Variants in EPGN observed in about 807,000 individuals in gnomAD.
EPGN encodes epithelial mitogen.
A neutral mutation model predicts 20.7 loss-of-function variants in EPGN; 21 were observed. That is an observed-to-expected ratio of 1.01 (90% CI 0.72 to 1.46). The LOEUF (loss-of-function observed/expected upper bound fraction) is 1.46, where lower values mean the gene tolerates loss of function less well. EPGN is among the 40% of genes most tolerant of loss of function. The pLI is 0.00. For synonymous variants in EPGN, 69 were observed against 63.8 expected (o/e 1.08, Z -0.39); for missense variants, 199 against 180.7 (o/e 1.10, Z -0.58).
chr4:74,313,466 AG>A, intron 4 of EPGN: 4 of 1,255,422 alleles, frequency 3.2e-6, no homozygotes. Context: ...GCCCCAAGAA[AG>A]TAGGGACTAA....
In EPGN at chr4:74,315,630, A is replaced by G. The variant is rs1056881713; in HGVS notation, c.*993A>G. ...GATTTGCACATAGAGGGAGAGAAAA[A>G]AAATGGAGTAACAGTCAAAATAATA... On this transcript the variant is annotated 3_prime_UTR_variant, in exon 5 of 5. Transcript: ENST00000413830. Among the ~76,000 whole-genome samples the G allele has an allele frequency of 3.0e-4, 46 of 152,134 alleles. No homozygotes were observed. The highest frequency in any genetic ancestry group is 1.1e-3 in the African/African-American group (44 of 41,434).
In EPGN at chr4:74,308,476, A is replaced by G; in HGVS notation, c.-58A>G. 6 of 1,444,082 alleles carry G rather than the reference A, an allele frequency of 4.2e-6. No homozygotes were observed. The South Asian group carries it at 7.6e-5, about 18-fold the overall frequency. The allele number at this position is 1,444,082 out of a possible 1,614,324, so 89.5% of individuals were successfully genotyped here. A position where few individuals can be genotyped will look rare whatever the true frequency, so the allele number is the denominator to read the frequency against. The stretch of plus-strand genomic sequence containing the variant: ...ACAAAGACTCAGAGAGCTCAATAAA[A>G]ACCTTCCACCCGTCAGTCTAGAAGG... On this transcript the variant is annotated 5_prime_UTR_variant, in exon 1 of 5. Coordinates refer to ENST00000413830, the MANE Select transcript of EPGN (RefSeq NM_001270989.2).
At chr4:74,311,493 C>T (rs1404445032) in intron 2 of EPGN, among the ~76,000 whole-genome samples, 1 of 152,038 alleles carries the variant, frequency 6.6e-6, no homozygotes, top group Non-Finnish European at 1.5e-5. Flanking sequence ...TTCTCTTAAT[C>T]TTAGCAAGGC....
intron 2 of EPGN, among the ~76,000 whole-genome samples, chr4:74,310,403 A>C (rs1300941795): frequency 8.0e-6 from 1 of 125,292 alleles, no homozygotes; most frequent in African/African-American, 3.1e-5. Context: ...TGGAGGCTGC[A>C]GTGAGCTGAG....
At chr4:74,311,972 T>C (rs1270481352) in intron 2 of EPGN, among the ~76,000 whole-genome samples, 1 of 152,114 alleles carries the variant, frequency 6.6e-6, no homozygotes, top group African/African-American at 2.4e-5. Flanking sequence ...TCAATCCACC[T>C]CCATCCCCTA....
Position 74,309,129 on chromosome 4 carries a change from T to C in EPGN, c.80T>C (p.Val27Ala), listed in dbSNP as rs777068974. Residue 27 changes from valine to alanine, a missense_variant, in exon 2 of 5, where the codon GTA (valine) becomes GCA (alanine). Val to Ala is a moderately conservative substitution (Grantham distance 64). Coordinates refer to ENST00000413830, the MANE Select transcript of EPGN (RefSeq NM_001270989.2). ...CTGACCGAAGAGGCAGCCGTGACTG[T>C]AACACCTCCAATCACAGCCCAGCAA... ...TALTEEAAVT[V>A]TPPITAQQGN... 1 of 1,613,686 alleles carries C rather than the reference T, an allele frequency of 6.2e-7. No homozygotes were observed. Among genetic ancestry groups the C allele is most frequent in the Admixed American group, 1.7e-5 (1 of 60,006 alleles).
chr4:74,310,694 C>T (rs965036032), intron 2 of EPGN, among the ~76,000 whole-genome samples: 3 of 152,126 alleles, frequency 2.0e-5, no homozygotes, highest in African/African-American at 7.2e-5. Context: ...AAGACCTCCT[C>T]CTCCTGCCCA....
At chr4:74,308,881 T>C (rs1750706831) in intron 1 of EPGN, among the ~76,000 whole-genome samples, 1 of 152,236 alleles carries the variant, frequency 6.6e-6, no homozygotes, top group African/African-American at 2.4e-5. Context: ...TCAATGGTCT[T>C]AAATATTGGG....
At chr4:74,311,822 A>T (rs756354159) in intron 2 of EPGN, among the ~76,000 whole-genome samples, 1 of 152,222 alleles carries the variant, frequency 6.6e-6, no homozygotes, top group Non-Finnish European at 1.5e-5. Context: ...GAGATCTTCT[A>T]TGTTAATTAG....
At position 74,314,823 on chromosome 4, in the gene EPGN, G is replaced by T; in HGVS notation, c.*186G>T. The T allele has an allele frequency of 1.7e-6, 1 of 595,934 alleles. No individual in the cohort carries two copies. The highest frequency in any genetic ancestry group is 2.9e-6 in the Non-Finnish European group (1 of 342,276). 36.9% of individuals were successfully genotyped at this position (595,934 alleles called of 1,614,324 possible). ...TTAGACTTTGCCATCCTTAAGGAGT[G>T]ATGGAAGCCAAGTGAACAAGCCTCA... On this transcript the variant is annotated 3_prime_UTR_variant, in exon 5 of 5. Transcript: ENST00000413830.
chr4:74,313,401 C>A, intron 4 of EPGN: 8 of 1,360,084 alleles, frequency 5.9e-6, no homozygotes, highest in South Asian at 2.1e-5. Flanking sequence ...GTACAGTCTC[C>A]CTTCAACCTA....
chr4:74,316,389 G>A lies in EPGN; in HGVS notation c.*1752G>A, dbSNP rs577077619. 1.2e-4 allele frequency among the ~76,000 whole-genome samples: 19 copies of A among 152,224 alleles called. No individual in the cohort carries two copies. The highest frequency in any genetic ancestry group is 4.3e-4 in the African/African-American group (18 of 41,542). ...TTTTGATCATGAGTGGTGAAAAGAG[G>A]ATCAAACTTGACTATTCTTGCAATG... On this transcript the variant is annotated 3_prime_UTR_variant, in exon 5 of 5. Coordinates refer to ENST00000413830, the MANE Select transcript of EPGN (RefSeq NM_001270989.2).
rs566093211 is a variant in EPGN at position 74,314,064 on chromosome 4, G to A, written c.408-516G>A. On this transcript the variant is annotated intron_variant, in intron 4 of 4. Coordinates refer to ENST00000413830, the MANE Select transcript of EPGN (RefSeq NM_001270989.2). The stretch of plus-strand genomic sequence containing the variant: ...CTCTGAGGTCAGATTTCCTAGAAGC[G>A]GAGCCTTCAGATAGAGATTGCTGTG... 1.1e-3 allele frequency: 521 copies of A among 454,964 alleles called. 4 individuals carry two copies. Among genetic ancestry groups the A allele is most frequent in the South Asian group, 7.6e-3 (487 of 64,386 alleles). 28.2% of individuals were successfully genotyped at this position (454,964 alleles called of 1,614,324 possible). A position where few individuals can be genotyped will look rare whatever the true frequency, so the allele number is the denominator to read the frequency against.
chr4:74,312,982 A>G (rs1484851085), intron 3 of EPGN, 36 bp from the exon 4 acceptor site: 1 of 1,485,048 alleles, frequency 6.7e-7, no homozygotes. Flanking sequence ...CTACCACCGT[A>G]GGTTTTAAAA....
chr4:74,314,844 C>A lies in EPGN; in HGVS notation c.*207C>A. 1 of 566,006 alleles carries A rather than the reference C, an allele frequency of 1.8e-6. No homozygotes were observed. The highest frequency in any genetic ancestry group is 3.1e-6 in the Non-Finnish European group (1 of 321,194). The allele number at this position is 566,006 out of a possible 1,614,324, so 35.1% of individuals were successfully genotyped here. Reference sequence around the variant, plus strand: ...GAGTGATGGAAGCCAAGTGAACAAGCCTCAGTGACACAAGTCAAATTCATA... The same window carrying A: ...GAGTGATGGAAGCCAAGTGAACAAGACTCAGTGACACAAGTCAAATTCATA... On this transcript the variant is annotated 3_prime_UTR_variant, in exon 5 of 5. Coordinates refer to ENST00000413830, the MANE Select transcript of EPGN (RefSeq NM_001270989.2).
At position 74,308,495 on chromosome 4, in the gene EPGN, TAGA is replaced by T. The variant is rs750361240; in HGVS notation, c.-36_-34del. On this transcript the variant is annotated 5_prime_UTR_variant, in exon 1 of 5. Transcript: ENST00000413830. ...AATAAAAACCTTCCACCCGTCAGTC[TAGA>T]AGGATAAGAGAAAGAAAGTTAAGCA... is the stretch of plus-strand genomic sequence containing the variant. 13 of 1,584,258 alleles carry T rather than the reference TAGA, an allele frequency of 8.2e-6. 1 individual carries two copies. In the South Asian group the frequency reaches 1.5e-4, roughly 18 times the overall value.
Position 74,313,069 on chromosome 4 carries a change from A to G in EPGN, c.306A>G (p.Ser102=), listed in dbSNP as rs1273924055. The G allele has an allele frequency of 2.5e-6, 4 of 1,613,232 alleles. No homozygotes were observed. Among genetic ancestry groups the G allele is most frequent in the Non-Finnish European group, 3.4e-6 (4 of 1,179,710 alleles). ...GERCEHLTLT[S]YAVDSYEKYI... Reference sequence around the variant, plus strand: ...GGTGTGAGCACTTGACTTTAACTTCATATGCTGTGGATTCTTATGAAAAAT... The same window carrying G: ...GGTGTGAGCACTTGACTTTAACTTCGTATGCTGTGGATTCTTATGAAAAAT... The change falls in exon 4 of 5, where the codon TCA becomes TCG. Residue 102 remains serine (S), a synonymous_variant. Coordinates refer to ENST00000413830, the MANE Select transcript of EPGN (RefSeq NM_001270989.2).
In EPGN at chr4:74,308,552, A is replaced by G. The variant is rs767927586; in HGVS notation, c.19A>G (p.Ile7Val). MALGVP[I>V]SVYLLFNAMT... is the part of the protein sequence containing the mutation. ...ACAGGAAATGGCTTTGGGAGTTCCA[A>G]TATCAGTCTATCTTTTATTCAACGG... Residue 7 changes from isoleucine to valine, a missense_variant, in exon 1 of 5, where the codon ATA (isoleucine) becomes GTA (valine). Transcript: ENST00000413830. 5 of 1,611,180 alleles carry G rather than the reference A, an allele frequency of 3.1e-6. No homozygotes were observed. The highest frequency in any genetic ancestry group is 3.3e-5 in the Admixed American group (2 of 59,920).
At chr4:74,309,413 C>T (rs1375573559) in intron 2 of EPGN, among the ~76,000 whole-genome samples, 1 of 152,182 alleles carries the variant, frequency 6.6e-6, no homozygotes, top group Non-Finnish European at 1.5e-5. Context: ...TCTTCAGTTA[C>T]TGTCTTGAAT....
Sources: gnomAD v4.1 joint callset for allele counts (sites outside exome capture counted in the v4.1 genomes callset) on GRCh38, gnomAD v4.1.1 for gene constraint, MANE v1.5 for transcripts, NCBI Gene and HGNC (gene_info 2026-07-23, HGNC 2026-07-21) for gene names.